Variants in AP3B1 observed in about 807,000 individuals in gnomAD.
The protein encoded by AP3B1 is adaptor related protein complex 3 subunit beta 1.
AP3B1 carries 61 observed loss-of-function variants against 132.5 expected under a neutral mutation model. The observed-to-expected ratio is 0.46, with a 90% confidence interval of 0.37 to 0.57. The LOEUF is 0.57. Among genes scored for constraint, AP3B1 ranks in the 20% least tolerant of loss-of-function variants. The pLI, the probability that AP3B1 is intolerant of heterozygous loss-of-function variation, is 0.00. For synonymous variants in AP3B1, 388 were observed against 438.3 expected, an observed-to-expected ratio of 0.89 and a Z score of 1.43; for missense variants, 1,120 against 1,289.4, an observed-to-expected ratio of 0.87 and a Z score of 2.01.
intron 2 of AP3B1, among the ~76,000 whole-genome samples, chr5:78,248,042 G>A (rs866579409): frequency 2.0e-5 from 3 of 151,996 alleles, no homozygotes; most frequent in Non-Finnish European, 2.9e-5. Flanking sequence ...TAGCAATAGC[G>A]GTTTAAATGA....
intron 21 of AP3B1, among the ~76,000 whole-genome samples, chr5:78,096,890 G>A (rs1239868375): frequency 2.0e-5 from 3 of 149,572 alleles, no homozygotes; most frequent in East Asian, 2.0e-4. Context: ...GGAGGTAGGG[G>A]GTCAGCCCCC....
At chr5:78,226,829 A>AT (rs1746418173) in intron 5 of AP3B1, among the ~76,000 whole-genome samples, 1 of 152,170 alleles carries the variant, frequency 6.6e-6, no homozygotes, top group South Asian at 2.1e-4. Flanking sequence ...ATAATATTGC[A>AT]TAACATTTCT....
In AP3B1 at chr5:78,177,256, T is replaced by G. The variant is rs140032832; in HGVS notation, c.1040+83A>C. 6 of 910,824 alleles carry G rather than the reference T, an allele frequency of 6.6e-6. No individual in the cohort carries two copies. In the African/African-American group the frequency reaches 6.7e-5, roughly 10 times the overall value. 56.4% of individuals were successfully genotyped at this position (910,824 alleles called of 1,614,324 possible). On this transcript the variant is annotated intron_variant, in intron 9 of 26. Transcript: ENST00000255194. ...TTAAAATATAGTCAGAGTTATATATTAAATGCCTGAAAGATTACATTTGTT... is the reference window on the plus strand; with the variant it reads ...TTAAAATATAGTCAGAGTTATATATGAAATGCCTGAAAGATTACATTTGTT...
intron 22 of AP3B1, among the ~76,000 whole-genome samples, chr5:78,053,315 A>C (rs1580286816): frequency 6.6e-6 from 1 of 152,256 alleles, no homozygotes; most frequent in East Asian, 1.9e-4. Context: ...AATACTTTTA[A>C]ATCTTTTTTT....
chr5:78,293,428 T>A (rs1461469329), intron 1 of AP3B1, among the ~76,000 whole-genome samples: 2 of 152,180 alleles, frequency 1.3e-5, no homozygotes, highest in African/African-American at 4.8e-5. Context: ...GATTGTATCT[T>A]ACATGCTATA....
chr5:78,223,018 T>C (rs973617892), intron 6 of AP3B1, among the ~76,000 whole-genome samples: 1 of 139,366 alleles, frequency 7.2e-6, no homozygotes, highest in African/African-American at 2.8e-5. Flanking sequence ...TTTGTTTGTT[T>C]GTTTGTTTCT....
intron 2 of AP3B1, among the ~76,000 whole-genome samples, chr5:78,244,362 G>A (rs374294089): frequency 5.3e-5 from 8 of 151,808 alleles, no homozygotes; most frequent in Admixed American, 2.6e-4. Context: ...GCAGTGAGCC[G>A]AGATCACGCC....
intron 19 of AP3B1, among the ~76,000 whole-genome samples, chr5:78,110,633 G>A (rs929887578): frequency 1.3e-5 from 2 of 151,478 alleles, no homozygotes; most frequent in South Asian, 2.1e-4. Context: ...CAGTAACAAC[G>A]TTAAAGATAT....
chr5:78,007,206 T>C (rs1295386972), intron 26 of AP3B1, among the ~76,000 whole-genome samples: 1 of 152,258 alleles, frequency 6.6e-6, no homozygotes, highest in African/African-American at 2.4e-5. Flanking sequence ...AGCATGAATT[T>C]AAAAGTATTT....
intron 14 of AP3B1, among the ~76,000 whole-genome samples, chr5:78,147,795 G>A (rs1350640320): frequency 1.3e-5 from 2 of 152,154 alleles, no homozygotes; most frequent in East Asian, 1.9e-4. Context: ...CCAGCACTTC[G>A]GGAGGCTGGG....
intron 2 of AP3B1, among the ~76,000 whole-genome samples, chr5:78,260,523 G>A (rs1191725647): frequency 6.6e-6 from 1 of 152,082 alleles, no homozygotes; most frequent in Non-Finnish European, 1.5e-5. Context: ...GAACCCAGAA[G>A]GCGGAGGTTG....
At chr5:78,228,360 T>C (rs988320296) in intron 3 of AP3B1, 121 bp from the exon 4 acceptor site, 4 of 654,454 alleles carry the variant, frequency 6.1e-6, no homozygotes, top group Non-Finnish European at 1.0e-5. Context: ...ACATGTTAGA[T>C]TGTAAAATAA....
intron 7 of AP3B1, among the ~76,000 whole-genome samples, chr5:78,184,435 C>A (rs1214571798): frequency 6.6e-6 from 1 of 151,966 alleles, no homozygotes; most frequent in African/African-American, 2.4e-5. Flanking sequence ...TGCCTGTAAT[C>A]CCAGCACTTT....
intron 24 of AP3B1, among the ~76,000 whole-genome samples, chr5:78,024,724 G>A (rs929897107): frequency 2.6e-5 from 4 of 151,616 alleles, no homozygotes; most frequent in African/African-American, 7.3e-5. Context: ...GCCACATGCC[G>A]GGCTAATTTT....
intron 24 of AP3B1, among the ~76,000 whole-genome samples, chr5:78,026,826 C>G (rs1411068601): frequency 6.6e-6 from 1 of 152,202 alleles, no homozygotes; most frequent in Non-Finnish European, 1.5e-5. Flanking sequence ...CTTTGCCTAT[C>G]TGATGGGTAA....
chr5:78,056,053 G>A (rs1453976982), intron 22 of AP3B1, among the ~76,000 whole-genome samples: 1 of 152,052 alleles, frequency 6.6e-6, no homozygotes, highest in Non-Finnish European at 1.5e-5. Flanking sequence ...CCTACCTTCA[G>A]TACCAAAATG....
At chr5:78,095,959 CTTTCA>C (rs1750752917) in intron 21 of AP3B1, among the ~76,000 whole-genome samples, 2 of 152,190 alleles carry the variant, frequency 1.3e-5, no homozygotes, top group East Asian at 1.9e-4. Context: ...TTCAAAAAAA[CTTTCA>C]TTTCAATTCT....
intron 7 of AP3B1, among the ~76,000 whole-genome samples, chr5:78,195,150 T>C (rs1745028688): frequency 6.6e-6 from 1 of 152,082 alleles, no homozygotes; most frequent in Non-Finnish European, 1.5e-5. Flanking sequence ...TAATGTTTTA[T>C]AAATACACTC....
intron 6 of AP3B1, chr5:78,222,555 G>C (rs1746224928): frequency 6.6e-6 from 1 of 151,942 alleles, no homozygotes; most frequent in Non-Finnish European, 1.5e-5. Context: ...AATCAAAGAG[G>C]ACAGAATTCA....
Sources: gnomAD v4.1 joint callset for allele counts (sites outside exome capture counted in the v4.1 genomes callset) on GRCh38, gnomAD v4.1.1 for gene constraint, MANE v1.5 for transcripts, NCBI Gene and HGNC (gene_info 2026-07-23, HGNC 2026-07-21) for gene names.